The following PSG5 variants were observed in gnomAD, a reference collection of about 807,000 sequenced individuals.
PSG5 encodes the protein pregnancy specific beta-1-glycoprotein 5, also known as pregnancy-specific beta-1-glycoprotein 5.
In PSG5, 53 loss-of-function variants were observed where a neutral mutation model predicts 37.7. The ratio of observed to expected loss-of-function variants is 1.41; its 90% CI spans 1.13 to 1.77. The LOEUF (loss-of-function observed/expected upper bound fraction) is 1.77, where lower values mean the gene tolerates loss of function less well. PSG5 is among the 40% of genes most tolerant of loss of function. PSG5 has a pLI of 0.00. For synonymous variants in PSG5, 221 were observed against 155.4 expected (o/e 1.42, Z -3.14); for missense variants, 547 against 405.2 (o/e 1.35, Z -3.00).
chr19:43,178,390 G>A (rs1599750482), intron 2 of PSG5, among the ~76,000 whole-genome samples: 1 of 151,910 alleles, frequency 6.6e-6, no homozygotes, highest in South Asian at 2.1e-4. Flanking sequence ...CTGCCAGTGG[G>A]TGAGAGTCTG....
chr19:43,176,637 A>C, intron 2 of PSG5, among the ~76,000 whole-genome samples: 1 of 151,318 alleles, frequency 6.6e-6, no homozygotes, highest in East Asian at 1.9e-4. Context: ...GATACTGAGC[A>C]GTCTGGCCTG....
chr19:43,179,240 C>T, intron 2 of PSG5: 2 of 1,426,986 alleles, frequency 1.4e-6, no homozygotes, highest in South Asian at 2.6e-5. Context: ...GTTGGCATTT[C>T]CCACCTGTCA....
chr19:43,184,950 T>C lies in PSG5; in HGVS notation c.262A>G (p.Ile88Val). 6.2e-7 allele frequency: 1 copy of C among 1,612,586 alleles called. No homozygotes were observed. The highest frequency in any genetic ancestry group is 8.5e-7 in the Non-Finnish European group (1 of 1,179,146). ...YITSYVVDGQ[I>V]NIYGPAYTGR... ...GTGTATGCAGGCCCATATATATTTA[T>C]TTGACCGTCTACTACATATGATGTA... The change falls in exon 2 of 6, where the codon ATA becomes GTA. Residue 88 changes from isoleucine to valine, a missense_variant. Ile to Val is a conservative substitution (Grantham distance 29, BLOSUM62 3). Coordinates refer to ENST00000342951, the MANE Select transcript of PSG5 (RefSeq NM_002781.4).
chr19:43,174,828 A>T, intron 4 of PSG5: 1 of 1,173,552 alleles, frequency 8.5e-7, no homozygotes, highest in African/African-American at 1.6e-5. Context: ...TCAGAGCCTC[A>T]GATGTTCCTT....
At chr19:43,168,911 C>A (rs1213756218) in intron 5 of PSG5, among the ~76,000 whole-genome samples, 4 of 151,492 alleles carry the variant, frequency 2.6e-5, no homozygotes, top group Admixed American at 2.0e-4. Flanking sequence ...TCCAGTACTT[C>A]TAGCTGAAAA....
chr19:43,185,806 T>TAGGTATA (rs1966924954), intron 1 of PSG5, among the ~76,000 whole-genome samples: 1 of 147,826 alleles, frequency 6.8e-6, no homozygotes, highest in African/African-American at 2.5e-5. Context: ...ATACTTTTAT[T>TAGGTATA]AGAAGTGTCA....
rs149836749 is a variant in PSG5 at position 43,185,015 on chromosome 19, A to C, written c.197T>G (p.Ile66Ser). ...GTCCATCAGTTGTCCTTTGTACCAG[A>C]TGTAGCCAGCAAGATTCTGAGGCAA... ...HNLPQNLAGY[I>S]WYKGQLMDLY... Residue 66 changes from isoleucine to serine, a missense_variant, in exon 2 of 6, where the codon ATC (isoleucine) becomes AGC (serine). Ile to Ser is a moderately radical substitution (Grantham distance 142, BLOSUM62 -2). Transcript: ENST00000342951. The C allele has an allele frequency of 1.2e-6, 2 of 1,612,656 alleles. No individual in the cohort carries two copies. The highest frequency in any genetic ancestry group is 1.3e-5 in the African/African-American group (1 of 74,638).
chr19:43,172,077 T>G lies in PSG5; in HGVS notation c.965-1939A>C, dbSNP rs545254592. 5.3e-4 allele frequency among the ~76,000 whole-genome samples: 81 copies of G among 151,440 alleles called. No homozygotes were observed. In the South Asian group the frequency reaches 0.015, roughly 28 times the overall value. ...GATTATGAAAGTACTATAAATAATT[T>G]TATGCAAATAAATTGGATAACCTAG... On this transcript the variant is annotated intron_variant, in intron 4 of 5. Transcript: ENST00000342951.
chr19:43,169,200 T>C (rs868531484), intron 5 of PSG5, among the ~76,000 whole-genome samples: 11 of 151,706 alleles, frequency 7.3e-5, no homozygotes, highest in Admixed American at 2.0e-4. Flanking sequence ...TCATTTCCTG[T>C]CTTAGGCTTT....
intron 5 of PSG5, among the ~76,000 whole-genome samples, chr19:43,169,288 A>G (rs1196664232): frequency 6.6e-6 from 1 of 151,614 alleles, no homozygotes; most frequent in East Asian, 1.9e-4. Flanking sequence ...TCAGGAAAAG[A>G]TCTCAACCAC....
At chr19:43,182,229 T>A (rs1969143636) in intron 2 of PSG5, among the ~76,000 whole-genome samples, 1 of 151,720 alleles carries the variant, frequency 6.6e-6, no homozygotes, top group Non-Finnish European at 1.5e-5. Flanking sequence ...ACCATGAGAT[T>A]AAGATTATAG....
At position 43,175,260 on chromosome 19, in the gene PSG5, C is replaced by T. The variant is rs202169034; in HGVS notation, c.919G>A (p.Ala307Thr). 10 of 1,612,722 alleles carry T rather than the reference C, an allele frequency of 6.2e-6. No individual in the cohort carries two copies. The East Asian group carries it at 2.0e-4, about 32-fold the overall frequency. The change falls in exon 4 of 6, where the codon GCT becomes ACT. Residue 307 changes from alanine (A) to threonine (T), a missense_variant. Transcript: ENST00000342951. ...GATTTGGAGCTTTCCTTGCCAGTAG[C>T]TGAGTTACGAACAGAGCAAGTATAG... ...GLYTCSVRNS[A>T]TGKESSKSMT...
chr19:43,170,203 G>A (rs1342579109), intron 4 of PSG5, 65 bp from the exon 5 acceptor site: 6 of 1,345,932 alleles, frequency 4.5e-6, no homozygotes, highest in South Asian at 1.2e-5. Flanking sequence ...GGAGCCTCAG[G>A]AAGAGGCATG....
In PSG5 at chr19:43,175,941, C is replaced by T; in HGVS notation, c.638G>A (p.Gly213Glu). Residue 213 changes from glycine (G) to glutamate (E), a missense_variant, in exon 3 of 6, where the codon GGA becomes GAA. Physicochemically the swap from Gly to Glu is moderately conservative, Grantham distance 98. Coordinates refer to ENST00000342951, the MANE Select transcript of PSG5 (RefSeq NM_002781.4). ...GTCCCGTATTTCACATTCATAGGGT[C>T]CTGTTTCATTTCTCGTGACACTGGG... ...ILPSVTRNET[G>E]PYECEIRDRD... The T allele has an allele frequency of 1.9e-6, 3 of 1,612,384 alleles. No individual in the cohort carries two copies. Among genetic ancestry groups the T allele is most frequent in the African/African-American group, 1.3e-5 (1 of 74,570 alleles).
In PSG5 at chr19:43,184,835, T is replaced by G; in HGVS notation, c.377A>C (p.Lys126Thr). The part of the protein sequence containing the change: ...DAGSYTLHII[K>T]RGDRTRGVTG... ...TACTCCTCTAGTCCTATCACCTCGC[T>G]TTATGATGTGTAAGGTGTAGGATCC... The change falls in exon 2 of 6, where the codon AAG becomes ACG. Residue 126 changes from lysine to threonine, a missense_variant. By Grantham distance (78) the Lys-to-Thr change is moderately conservative (BLOSUM62 -1). Transcript: ENST00000342951. 1.9e-6 allele frequency: 3 copies of G among 1,612,446 alleles called. No homozygotes were observed. Among genetic ancestry groups the G allele is most frequent in the Admixed American group, 1.7e-5 (1 of 59,882 alleles).
intron 4 of PSG5, among the ~76,000 whole-genome samples, chr19:43,172,831 A>G (rs1968932452): frequency 1.3e-5 from 2 of 151,688 alleles, no homozygotes; most frequent in South Asian, 4.2e-4. Flanking sequence ...GATTCAATAA[A>G]ATTCCTGTCA....
In PSG5 at chr19:43,175,007, C is replaced by G. The variant is rs993934030; in HGVS notation, c.964+208G>C. 8.4e-5 allele frequency: 122 copies of G among 1,453,254 alleles called. 1 individual carries two copies. Among genetic ancestry groups the G allele is most frequent in the Non-Finnish European group, 1.1e-4 (116 of 1,089,056 alleles). 90.0% of individuals were successfully genotyped at this position (1,453,254 alleles called of 1,614,324 possible). A position where few individuals can be genotyped will look rare whatever the true frequency, so the allele number is the denominator to read the frequency against. On this transcript the variant is annotated intron_variant, in intron 4 of 5. Coordinates refer to ENST00000342951, the MANE Select transcript of PSG5 (RefSeq NM_002781.4). Reference sequence around the variant, plus strand: ...AAGCCCCCTCCCTAACTTTCTTAGGCCAGACACAAGGTCAGCCATGAGAAA... The same window carrying G: ...AAGCCCCCTCCCTAACTTTCTTAGGGCAGACACAAGGTCAGCCATGAGAAA...
chr19:43,175,938 G>T lies in PSG5; in HGVS notation c.641C>A (p.Pro214His). Reference sequence around the variant, plus strand: ...TCGGTCCCGTATTTCACATTCATAGGGTCCTGTTTCATTTCTCGTGACACT... The same window carrying T: ...TCGGTCCCGTATTTCACATTCATAGTGTCCTGTTTCATTTCTCGTGACACT... Reference protein sequence around the residue: ...LPSVTRNETGPYECEIRDRDG... With the variant: ...LPSVTRNETGHYECEIRDRDG... The change falls in exon 3 of 6, where the codon CCC (proline) becomes CAC (histidine). Residue 214 changes from proline to histidine, a missense_variant. Coordinates refer to ENST00000342951, the MANE Select transcript of PSG5 (RefSeq NM_002781.4). The T allele has an allele frequency of 6.2e-7, 1 of 1,612,356 alleles. No homozygotes were observed. The highest frequency in any genetic ancestry group is 1.1e-5 in the South Asian group (1 of 91,036).
chr19:43,180,073 A>G (rs1392618949), intron 2 of PSG5, among the ~76,000 whole-genome samples: 1 of 151,734 alleles, frequency 6.6e-6, no homozygotes, highest in African/African-American at 2.4e-5. Context: ...TTTGGGAAGA[A>G]GTCTTGCAGA....
Sources: allele counts gnomAD v4.1 joint callset (sites outside exome capture counted in the v4.1 genomes callset), GRCh38; gene constraint gnomAD v4.1.1; transcripts MANE v1.5; gene names NCBI Gene and HGNC (gene_info 2026-07-23, HGNC 2026-07-21).